TMEM220: variants seen among roughly 807,000 people sequenced by gnomAD.
The protein encoded by TMEM220 is transmembrane protein 220.
A neutral mutation model predicts 21.7 loss-of-function variants in TMEM220; 21 were observed. That is an observed-to-expected ratio of 0.97 (90% CI 0.69 to 1.39). The LOEUF (loss-of-function observed/expected upper bound fraction) is 1.39. TMEM220 is among the 40% of genes most tolerant of loss of function. The pLI, the probability that TMEM220 is intolerant of heterozygous loss-of-function variation, is 0.00. For synonymous variants in TMEM220, 80 were observed against 73.6 expected (o/e 1.09, Z -0.45); for missense variants, 191 against 201.9 (o/e 0.95, Z 0.33).
At chr17:10,723,601 A>G (rs1290470525) in intron 4 of TMEM220, among the ~76,000 whole-genome samples, 2 of 152,250 alleles carry the variant, frequency 1.3e-5, no homozygotes, top group East Asian at 3.8e-4. Flanking sequence ...GGATCCCCCC[A>G]AAATGAAATG....
At position 10,723,347 on chromosome 17, in the gene TMEM220, T is replaced by C; in HGVS notation, c.288-18A>G. 6.2e-7 allele frequency: 1 copy of C among 1,612,604 alleles called. No homozygotes were observed. Among genetic ancestry groups the C allele is most frequent in the Non-Finnish European group, 8.5e-7 (1 of 1,178,652 alleles). Reference sequence around the variant, plus strand: ...ACAGCTCCCTATAAAAGGGTGTACATTTCAGATTTTGGAAGTGGCTACAAG... The same window carrying C: ...ACAGCTCCCTATAAAAGGGTGTACACTTCAGATTTTGGAAGTGGCTACAAG... On this transcript the variant is annotated intron_variant, in intron 4 of 5. Coordinates refer to ENST00000341871, the MANE Select transcript of TMEM220 (RefSeq NM_001004313.3).
At chr17:10,716,487 T>C (rs1481565107) in intron 5 of TMEM220, 4 of 665,838 alleles carry the variant, frequency 6.0e-6, no homozygotes, top group Non-Finnish European at 1.1e-5. Context: ...CCCCACGTAG[T>C]AGCGCAGATA....
intron 1 of TMEM220, 66 bp downstream of exon 1, chr17:10,729,714 G>C (rs1219347993): frequency 1.6e-6 from 2 of 1,275,870 alleles, no homozygotes; most frequent in Admixed American, 3.7e-5. Context: ...TCAGTTACAC[G>C]GCCCGCTAGG....
chr17:10,728,058 A>G (rs564312490), intron 2 of TMEM220, among the ~76,000 whole-genome samples: 546 of 152,024 alleles, frequency 3.6e-3, no homozygotes, highest in African/African-American at 0.012. Context: ...TACTTGGGAC[A>G]CTGAGGCAGA....
At chr17:10,715,658 T>C in intron 5 of TMEM220, 70 bp from the exon 6 acceptor site, 2 of 1,177,112 alleles carry the variant, frequency 1.7e-6, no homozygotes, top group Non-Finnish European at 2.3e-6. Flanking sequence ...AAAGACTGAA[T>C]TGATAAAACA....
chr17:10,722,895 G>A (rs1021871899), intron 5 of TMEM220, among the ~76,000 whole-genome samples: 22 of 152,046 alleles, frequency 1.4e-4, no homozygotes, highest in Admixed American at 1.4e-3. Flanking sequence ...TAAGAAAAGG[G>A]AAGATTTCTT....
Position 10,729,886 on chromosome 17 carries a change from G to T in TMEM220, c.-35C>A, listed in dbSNP as rs1447364673. 7.9e-7 allele frequency: 1 copy of T among 1,268,204 alleles called. No homozygotes were observed. The highest frequency in any genetic ancestry group is 9.9e-7 in the Non-Finnish European group (1 of 1,010,338). 78.6% of individuals were successfully genotyped at this position (1,268,204 alleles called of 1,614,324 possible). On this transcript the variant is annotated 5_prime_UTR_variant, in exon 1 of 6. Transcript: ENST00000341871. ...AACACGGCGCGGGGCGGTGAGTCCT[G>T]CCACGTGCGGGGCGGTGAGTCCTGC... is the stretch of plus-strand genomic sequence containing the variant.
intron 3 of TMEM220, among the ~76,000 whole-genome samples, 155 bp downstream of exon 3, chr17:10,726,049 G>T (rs1026117730): frequency 6.6e-6 from 1 of 152,164 alleles, no homozygotes; most frequent in African/African-American, 2.4e-5. Flanking sequence ...CCTGAAGATG[G>T]GTAAGGATGA....
chr17:10,715,622 T>C, intron 5 of TMEM220, 34 bp from the exon 6 acceptor site: 1 of 1,513,690 alleles, frequency 6.6e-7, no homozygotes, highest in Non-Finnish European at 8.8e-7. Flanking sequence ...TAAATAAAAA[T>C]CATGGATTGC....
intron 2 of TMEM220, among the ~76,000 whole-genome samples, chr17:10,727,713 T>C (rs969293020): frequency 1.3e-5 from 2 of 152,180 alleles, no homozygotes; most frequent in Non-Finnish European, 2.9e-5. Flanking sequence ...AAAACCTGGA[T>C]AGAATTTCAT....
At chr17:10,729,718 C>G in intron 1 of TMEM220, 62 bp downstream of exon 1, 1 of 1,289,494 alleles carries the variant, frequency 7.8e-7, no homozygotes, top group South Asian at 2.1e-5. Context: ...TTACACGGCC[C>G]GCTAGGCCAG....
rs530408471 is a variant in TMEM220, at chr17:10,713,636, C to T, written c.*1817G>A. ...CACAAATATGTAAGCAAAATATACA[C>T]TGGAAAACTCAAATCCTTTATGTGT... is the stretch of plus-strand genomic sequence containing the variant. On this transcript the variant is annotated 3_prime_UTR_variant, in exon 6 of 6. Transcript: ENST00000341871. 50 of 152,264 alleles carry T rather than the reference C, an allele frequency of 3.3e-4. No individual in the cohort carries two copies. Among genetic ancestry groups the T allele is most frequent in the African/African-American group, 1.2e-3 (49 of 41,564 alleles). The allele number at this position is 152,264 out of a possible 1,614,324, so 9.4% of individuals were successfully genotyped here. A position where few individuals can be genotyped will look rare whatever the true frequency, so the allele number is the denominator to read the frequency against.
intron 5 of TMEM220, among the ~76,000 whole-genome samples, chr17:10,719,861 T>C (rs917868592): frequency 5.3e-5 from 8 of 152,092 alleles, no homozygotes; most frequent in African/African-American, 1.9e-4. Context: ...CTTCTAAAAA[T>C]AGAGAAGACC....
intron 4 of TMEM220, 102 bp from the exon 5 acceptor site, chr17:10,723,431 G>T: frequency 1.2e-6 from 1 of 819,922 alleles, no homozygotes. Context: ...CTGATTGAGT[G>T]ACTGACTCTC....
At chr17:10,717,913 A>G (rs1186993466) in intron 5 of TMEM220, among the ~76,000 whole-genome samples, 1 of 151,634 alleles carries the variant, frequency 6.6e-6, no homozygotes, top group Non-Finnish European at 1.5e-5. Flanking sequence ...CTCTGCCTCC[A>G]GGGTTCAAGC....
At chr17:10,716,987 TTC>T (rs1348908041) in intron 5 of TMEM220, among the ~76,000 whole-genome samples, 8 of 152,254 alleles carry the variant, frequency 5.3e-5, no homozygotes, top group East Asian at 1.9e-4. Context: ...TTTTATCACT[TTC>T]TGTTACTTCC....
downstream of TMEM220, among the ~76,000 whole-genome samples, chr17:10,712,833 G>A (rs2074863411): frequency 6.6e-6 from 1 of 152,232 alleles, no homozygotes; most frequent in African/African-American, 2.4e-5. Flanking sequence ...CCATATTATG[G>A]AGAGCCTTGA....
chr17:10,716,521 A>G, intron 5 of TMEM220: 1 of 625,708 alleles, frequency 1.6e-6, no homozygotes, highest in Non-Finnish European at 3.1e-6. Flanking sequence ...ATGGCTTGCA[A>G]AAGACAACTG....
Position 10,729,013 on chromosome 17 carries a change from G to C in TMEM220, c.102+18C>G, listed in dbSNP as rs769674636. The C allele has an allele frequency of 3.1e-5, 50 of 1,613,994 alleles. No homozygotes were observed. The highest frequency in any genetic ancestry group is 4.2e-5 in the Non-Finnish European group (49 of 1,179,976). ...ATTCTTCCAAACGGAGGAAAGCCTG[G>C]AAGCGGCTCATACTCACCACCCACA... On this transcript the variant is annotated intron_variant, in intron 2 of 5. Transcript: ENST00000341871.
Sources: gnomAD v4.1 joint callset for allele counts (sites outside exome capture counted in the v4.1 genomes callset) on GRCh38, gnomAD v4.1.1 for gene constraint, MANE v1.5 for transcripts, NCBI Gene and HGNC (gene_info 2026-07-23, HGNC 2026-07-21) for gene names.